The following ASIC2 variants were observed in gnomAD, a reference collection of about 807,000 sequenced individuals.
The protein encoded by ASIC2 is acid sensing ion channel subunit 2.
Under a neutral mutation model 57.3 loss-of-function variants are expected in ASIC2, and 25 were observed. The observed-to-expected ratio is 0.44, with a 90% confidence interval of 0.32 to 0.61. The LOEUF is 0.61. Among genes scored for constraint, ASIC2 ranks in the 20% least tolerant of loss-of-function variants. The probability of loss-of-function intolerance (pLI) is 0.06; values close to 1 mark genes in which losing one functional copy is unlikely to be tolerated. For missense variants in ASIC2, 641 were observed against 738.1 expected, an observed-to-expected ratio of 0.87 and a Z score of 1.52; for synonymous variants, 319 against 307.5, an observed-to-expected ratio of 1.04 and a Z score of -0.39.
At chr17:33,583,317 TGTCA>T (rs35233727) in intron 1 of ASIC2, among the ~76,000 whole-genome samples, 61,811 of 151,688 alleles carry the variant, frequency 0.41, 13,854 homozygotes, top group African/African-American at 0.61. Flanking sequence ...TTGATGAGAT[TGTCA>T]GTCACTTGCC....
In ASIC2 at chr17:33,815,278, G is replaced by A. The variant is rs184234487; in HGVS notation, c.555+340700C>T. 1.7e-3 allele frequency among the ~76,000 whole-genome samples: 266 copies of A among 152,294 alleles called. 2 individuals are homozygous for A. Among genetic ancestry groups the A allele is most frequent in the Non-Finnish European group, 1.5e-3 (99 of 68,026 alleles). On this transcript the variant is annotated intron_variant, in intron 1 of 9. Transcript: ENST00000359872. ...TCCTAGGAAACTGGCCAAGGAAAGG[G>A]CACTTGTGGAGTCTACCCACTGGGT...
intron 1 of ASIC2, among the ~76,000 whole-genome samples, chr17:33,397,971 T>C (rs966383131): frequency 6.6e-6 from 1 of 152,200 alleles, no homozygotes; most frequent in African/African-American, 2.4e-5. Context: ...ATCAGGATCA[T>C]AGTGGAAAAA....
chr17:33,234,889 A>G (rs1004591838), intron 1 of ASIC2, among the ~76,000 whole-genome samples: 2 of 152,218 alleles, frequency 1.3e-5, no homozygotes, highest in African/African-American at 4.8e-5. Context: ...GGAGGGGGAC[A>G]ACAAACATTC....
At position 33,292,727 on chromosome 17, in the gene ASIC2, G is replaced by C. The variant is rs7214382; in HGVS notation, c.-612C>G. On this transcript the variant is annotated 5_prime_UTR_variant, in exon 1 of 10. Coordinates refer to ENST00000225823, the MANE Select transcript of ASIC2 (RefSeq NM_183377.2). Reference sequence around the variant, plus strand: ...CTGGGCGGGCGGGGTGGGTGTGTACGGGGGTGAGTGGTCGCCTTGCCGGCT... The same window carrying C: ...CTGGGCGGGCGGGGTGGGTGTGTACCGGGGTGAGTGGTCGCCTTGCCGGCT... The C allele has an allele frequency of 0.47, 464,318 of 985,678 alleles. 109,958 individuals are homozygous for C. The highest frequency in any genetic ancestry group is 0.74 in the East Asian group (6,524 of 8,760). The allele number at this position is 985,678 out of a possible 1,614,324, so 61.1% of individuals were successfully genotyped here.
At chr17:33,593,377 C>T (rs1017269729) in intron 1 of ASIC2, among the ~76,000 whole-genome samples, 2 of 90,120 alleles carry the variant, frequency 2.2e-5, no homozygotes, top group East Asian at 2.8e-4. Flanking sequence ...AAAAAAAGCA[C>T]ATTGTGGCTA....
intron 1 of ASIC2, among the ~76,000 whole-genome samples, chr17:33,847,995 G>A (rs557178657): frequency 2.8e-4 from 42 of 152,276 alleles, no homozygotes; most frequent in Non-Finnish European, 4.7e-4. Context: ...CTACTTGACA[G>A]AAGATAGCCA....
intron 1 of ASIC2, among the ~76,000 whole-genome samples, chr17:33,353,270 C>T (rs547645592): frequency 2.0e-5 from 3 of 152,142 alleles, no homozygotes; most frequent in Non-Finnish European, 4.4e-5. Context: ...TGAACATGCC[C>T]ATTGCCGTGG....
intron 1 of ASIC2, among the ~76,000 whole-genome samples, chr17:33,946,051 A>T (rs1164032144): frequency 6.6e-6 from 1 of 152,204 alleles, no homozygotes; most frequent in African/African-American, 2.4e-5. Flanking sequence ...CAGGTGGATC[A>T]TTAACTGTGA....
At chr17:33,622,750 A>G (rs753265147) in intron 1 of ASIC2, among the ~76,000 whole-genome samples, 4 of 152,246 alleles carry the variant, frequency 2.6e-5, no homozygotes, top group Non-Finnish European at 4.4e-5. Context: ...GCGTATGTTC[A>G]ATAAAATGTC....
intron 1 of ASIC2, among the ~76,000 whole-genome samples, chr17:33,491,908 T>C (rs1436466797): frequency 1.3e-5 from 2 of 152,180 alleles, no homozygotes; most frequent in African/African-American, 4.8e-5. Context: ...TCATGCCTTA[T>C]ATTTTCTCCT....
intron 1 of ASIC2, among the ~76,000 whole-genome samples, chr17:33,114,921 C>T (rs2092274798): frequency 1.3e-5 from 2 of 152,160 alleles, no homozygotes; most frequent in African/African-American, 2.4e-5. Flanking sequence ...GTGCTAAGAT[C>T]CCCCCATCTC....
chr17:33,839,543 AT>A (rs1913370857), intron 1 of ASIC2, among the ~76,000 whole-genome samples: 1 of 152,122 alleles, frequency 6.6e-6, no homozygotes, highest in Non-Finnish European at 1.5e-5. Context: ...TGCAAACCAC[AT>A]TTATCCTTTG....
chr17:34,145,871 T>A (rs1912403378), intron 1 of ASIC2, among the ~76,000 whole-genome samples: 1 of 152,222 alleles, frequency 6.6e-6, no homozygotes, highest in Non-Finnish European at 1.5e-5. Context: ...CAACATCAAA[T>A]GCATAGCCTC....
At chr17:33,770,308 C>T (rs1911056474) in intron 1 of ASIC2, among the ~76,000 whole-genome samples, 1 of 152,240 alleles carries the variant, frequency 6.6e-6, no homozygotes, top group South Asian at 2.1e-4. Flanking sequence ...ATTCACCTCC[C>T]TGACCCCTAG....
intron 1 of ASIC2, among the ~76,000 whole-genome samples, chr17:33,413,910 T>A (rs1910747552): frequency 6.6e-6 from 1 of 152,198 alleles, no homozygotes; most frequent in African/African-American, 2.4e-5. Context: ...GCATGCAAGC[T>A]CTGCAGGGGC....
intron 1 of ASIC2, among the ~76,000 whole-genome samples, chr17:33,418,456 T>G (rs1318561999): frequency 6.6e-6 from 1 of 152,240 alleles, no homozygotes; most frequent in Non-Finnish European, 1.5e-5. Context: ...GCCTATGTGC[T>G]GAATGGTATT....
At chr17:33,624,572 T>A (rs1325171166) in intron 1 of ASIC2, among the ~76,000 whole-genome samples, 1 of 152,250 alleles carries the variant, frequency 6.6e-6, no homozygotes, top group East Asian at 1.9e-4. Context: ...ATACACAGTA[T>A]CCTTCTTACT....
intron 1 of ASIC2, among the ~76,000 whole-genome samples, chr17:33,878,176 C>T (rs960087479): frequency 6.6e-6 from 1 of 152,130 alleles, no homozygotes; most frequent in South Asian, 2.1e-4. Flanking sequence ...AGCAGAAAAA[C>T]TGAAAATTAT....
At chr17:33,430,734 G>A (rs1285091079) in intron 1 of ASIC2, among the ~76,000 whole-genome samples, 1 of 152,132 alleles carries the variant, frequency 6.6e-6, no homozygotes, top group Admixed American at 6.6e-5. Context: ...GTATTTTAAT[G>A]GAAAATAGTT....
Sources: gnomAD v4.1 joint callset for allele counts (sites outside exome capture counted in the v4.1 genomes callset) on GRCh38, gnomAD v4.1.1 for gene constraint, MANE v1.5 for transcripts, NCBI Gene and HGNC (gene_info 2026-07-23, HGNC 2026-07-21) for gene names.